STK10: variants seen among roughly 807,000 people sequenced by gnomAD.
The protein encoded by STK10 is serine/threonine-protein kinase 10.
In STK10, 78 loss-of-function variants were observed where a neutral mutation model predicts 113.8. The ratio of observed to expected loss-of-function variants is 0.69; its 90% CI spans 0.57 to 0.83. The LOEUF (loss-of-function observed/expected upper bound fraction) is 0.83, where lower values mean the gene tolerates loss of function less well. Among genes scored for constraint, STK10 ranks in the 40% least tolerant of loss-of-function variants. The probability of loss-of-function intolerance (pLI) is 0.00; values close to 1 mark genes in which losing one functional copy is unlikely to be tolerated. For synonymous variants in STK10, 465 were observed against 494.7 expected (o/e 0.94, Z 0.80); for missense variants, 1,109 against 1,280.1 (o/e 0.87, Z 2.04).
At chr5:172,123,369 G>A (rs1438619537) in intron 3 of STK10, among the ~76,000 whole-genome samples, 1 of 152,188 alleles carries the variant, frequency 6.6e-6, no homozygotes, top group Non-Finnish European at 1.5e-5. Context: ...CCTAGGGCTG[G>A]AGCAGTCAGG....
intron 2 of STK10, among the ~76,000 whole-genome samples, chr5:172,151,937 C>G (rs917813177): frequency 7.2e-5 from 11 of 152,374 alleles, no homozygotes; most frequent in African/African-American, 2.6e-4. Flanking sequence ...AGGGCCTGTG[C>G]ACTTCTGATT....
intron 2 of STK10, among the ~76,000 whole-genome samples, chr5:172,130,736 C>T (rs1051998165): frequency 1.3e-5 from 2 of 152,058 alleles, no homozygotes; most frequent in Non-Finnish European, 2.9e-5. Context: ...TGTAAAATGG[C>T]CTAATCATCT....
chr5:172,112,683 T>C (rs1769264572), intron 4 of STK10, among the ~76,000 whole-genome samples: 1 of 151,676 alleles, frequency 6.6e-6, no homozygotes, highest in African/African-American at 2.4e-5. Context: ...CCTCCCAAAG[T>C]GCTGGGATTA....
Position 172,061,176 on chromosome 5 carries a change from C to A in STK10, c.2175G>T (p.Glu725Asp). 1 of 1,613,440 alleles carries A rather than the reference C, an allele frequency of 6.2e-7. No individual in the cohort carries two copies. The highest frequency in any genetic ancestry group is 1.1e-5 in the South Asian group (1 of 91,022). The change falls in exon 14 of 19, where the codon GAG (glutamate) becomes GAT (aspartate). Residue 725 changes from glutamate (E) to aspartate (D), a missense_variant. Glu to Asp is a conservative substitution (Grantham distance 45, BLOSUM62 2). This residue lies in a region of STK10 where 885 missense variants were observed against 991.1 expected (regional missense o/e 0.89). Transcript: ENST00000176763. ...CCTGCTTCTTCATGAGGCACTCGCGCTCCTTGTCACAGATCTCCCGCCTGT... is the reference window on the plus strand; with the variant it reads ...CCTGCTTCTTCATGAGGCACTCGCGATCCTTGTCACAGATCTCCCGCCTGT... ...TDNRREICDK[E>D]RECLMKKQEL... is the part of the protein sequence containing the mutation.
chr5:172,045,735 G>A (rs548809690), intron 18 of STK10, among the ~76,000 whole-genome samples: 1 of 152,216 alleles, frequency 6.6e-6, no homozygotes, highest in Admixed American at 6.5e-5. Context: ...TGTCGCCCAG[G>A]CTGGAGTGCA....
intron 4 of STK10, among the ~76,000 whole-genome samples, chr5:172,112,163 A>G (rs1769250794): frequency 6.6e-6 from 1 of 152,248 alleles, no homozygotes; most frequent in Non-Finnish European, 1.5e-5. Context: ...ACATTAATAC[A>G]TGTCCCAAAC....
chr5:172,059,583 C>T (rs1187297018), intron 14 of STK10, among the ~76,000 whole-genome samples: 2 of 152,154 alleles, frequency 1.3e-5, no homozygotes, highest in Non-Finnish European at 2.9e-5. Flanking sequence ...CCCAAGCCAC[C>T]GTTGCCCTTT....
chr5:172,107,679 A>ACAGGCTGACCGG, intron 5 of STK10, 101 bp downstream of exon 5: 4 of 735,310 alleles, frequency 5.4e-6, no homozygotes, highest in Non-Finnish European at 7.7e-6. Context: ...CAGGGCGTGT[A>ACAGGCTGACCGG]GCCCTTGTCT....
intron 7 of STK10, among the ~76,000 whole-genome samples, chr5:172,104,783 A>G (rs777551063): frequency 6.6e-6 from 1 of 152,200 alleles, no homozygotes; most frequent in Non-Finnish European, 1.5e-5. Flanking sequence ...TTCTGCAAAC[A>G]ATATGGCTTA....
intron 2 of STK10, among the ~76,000 whole-genome samples, chr5:172,138,333 A>G (rs1411539957): frequency 2.6e-5 from 4 of 152,166 alleles, no homozygotes; most frequent in Non-Finnish European, 5.9e-5. Context: ...CATATTGGCC[A>G]GGCTGGTCTT....
In STK10 at chr5:172,082,916, T is replaced by C; in HGVS notation, c.1809+45A>G. 1 of 1,605,348 alleles carries C rather than the reference T, an allele frequency of 6.2e-7. No individual in the cohort carries two copies. The highest frequency in any genetic ancestry group is 8.5e-7 in the Non-Finnish European group (1 of 1,176,248). On this transcript the variant is annotated intron_variant, in intron 11 of 18. Coordinates refer to ENST00000176763, the MANE Select transcript of STK10 (RefSeq NM_005990.4). The surrounding 1 kb of genome is among the most constrained non-coding windows in gnomAD (Gnocchi z 4.3). ...ATGTAGCTTCCACTGAGAGAACACC[T>C]GGAGGCAAGAAGCCCTGCAGGGTCC...
chr5:172,126,734 C>T (rs1428116736), intron 3 of STK10, among the ~76,000 whole-genome samples: 1 of 152,172 alleles, frequency 6.6e-6, no homozygotes, highest in Non-Finnish European at 1.5e-5. Flanking sequence ...TCAAGCTTGC[C>T]CAGGACATTG....
Position 172,057,479 on chromosome 5 carries a change from G to A in STK10, c.2213-6C>T, listed in dbSNP as rs1459856840. On this transcript the variant is annotated splice_region_variant and splice_polypyrimidine_tract_variant and intron_variant, in intron 14 of 18. Coordinates refer to ENST00000176763, the MANE Select transcript of STK10 (RefSeq NM_005990.4). ...CCACAGGGCTGCTTCCCGGTCTGCA[G>A]AGGACATGCCACCGAGCTGGTGAGG... is the stretch of plus-strand genomic sequence containing the variant. 1 of 1,548,616 alleles carries A rather than the reference G, an allele frequency of 6.5e-7. No individual in the cohort carries two copies. The highest frequency in any genetic ancestry group is 8.7e-7 in the Non-Finnish European group (1 of 1,145,904).
intron 10 of STK10, among the ~76,000 whole-genome samples, chr5:172,087,026 C>G (rs1768577475): frequency 6.6e-6 from 1 of 151,892 alleles, no homozygotes; most frequent in Non-Finnish European, 1.5e-5. Flanking sequence ...GGGTGCCTCT[C>G]AGGTGACCAT....
At position 172,093,985 on chromosome 5, in the gene STK10, T is replaced by A. The variant is rs575126634; in HGVS notation, c.1006-25A>T. On this transcript the variant is annotated intron_variant, in intron 8 of 18. Transcript: ENST00000176763. The surrounding 1 kb of genome is among the most constrained non-coding windows in gnomAD (Gnocchi z 4.1). ...TCTAGAAAAATATATATATATATAT[T>A]AAAGGCCATGCTGCTGTATGTTCAA... 1,134 of 1,336,428 alleles carry A rather than the reference T, an allele frequency of 8.5e-4. 1 individual carries two copies. The highest frequency in any genetic ancestry group is 1.0e-3 in the Non-Finnish European group (1,058 of 1,030,184). 82.8% of individuals were successfully genotyped at this position (1,336,428 alleles called of 1,614,324 possible).
At chr5:172,055,891 A>C (rs1347152548) in intron 15 of STK10, 115 bp from the exon 16 acceptor site, 5 of 800,214 alleles carry the variant, frequency 6.2e-6, no homozygotes. Context: ...GCAGCCCACA[A>C]TGTTCAGCAG....
chr5:172,118,924 G>A (rs920507222), intron 3 of STK10, among the ~76,000 whole-genome samples: 2 of 148,176 alleles, frequency 1.3e-5, no homozygotes, highest in Non-Finnish European at 1.5e-5. Context: ...CCCTCTCTTC[G>A]GTGACCCATT....
At chr5:172,146,667 C>T (rs533055915) in intron 2 of STK10, among the ~76,000 whole-genome samples, 73 of 152,322 alleles carry the variant, frequency 4.8e-4, no homozygotes, top group African/African-American at 1.6e-3. Flanking sequence ...GAATAGGGCC[C>T]GTGGGGCCAA....
intron 1 of STK10, among the ~76,000 whole-genome samples, chr5:172,171,657 G>C (rs1770666706): frequency 6.8e-6 from 1 of 145,994 alleles, no homozygotes; most frequent in Non-Finnish European, 1.5e-5. Context: ...AGAGGTTGCA[G>C]TAAGCCAAGA....
Sources: gnomAD v4.1 joint callset for allele counts (sites outside exome capture counted in the v4.1 genomes callset) on GRCh38, gnomAD v4.1.1 for gene constraint, gnomAD v4.1.1 regional missense constraint, Gnocchi (gnomAD v3.1) non-coding constraint, MANE v1.5 for transcripts, NCBI Gene and HGNC (gene_info 2026-07-23, HGNC 2026-07-21) for gene names.